The following GPC6 variants were observed in gnomAD, a reference collection of about 807,000 sequenced individuals.
The protein encoded by GPC6 is glypican-6.
In GPC6, 14 loss-of-function variants were observed where a neutral mutation model predicts 55.2. The observed-to-expected ratio is 0.25, with a 90% CI of 0.17 to 0.40. The LOEUF (loss-of-function observed/expected upper bound fraction) is 0.40. GPC6 is among the 10% of genes least tolerant of loss of function. The probability of loss-of-function intolerance (pLI) is 1.00; values close to 1 mark genes in which losing one functional copy is unlikely to be tolerated. For missense variants in GPC6, 641 were observed against 708.5 expected (o/e 0.90, Z 1.08); for synonymous variants, 278 against 259.6 (o/e 1.07, Z -0.68).
At chr13:93,966,252 A>G (rs1880037565) in intron 3 of GPC6, among the ~76,000 whole-genome samples, 2 of 152,224 alleles carry the variant, frequency 1.3e-5, no homozygotes, top group Admixed American at 6.5e-5. Context: ...AGGAATAAGA[A>G]TGTAACCATT....
intron 3 of GPC6, among the ~76,000 whole-genome samples, chr13:93,950,356 T>C (rs944587133): frequency 1.3e-5 from 2 of 152,170 alleles, no homozygotes; most frequent in Non-Finnish European, 2.9e-5. Context: ...GGAGAAAGGG[T>C]ACCTATTACT....
intron 1 of GPC6, among the ~76,000 whole-genome samples, chr13:93,364,758 A>G (rs1036216603): frequency 1.3e-5 from 2 of 151,636 alleles, no homozygotes. Flanking sequence ...ATATATATGT[A>G]TATCTCCAAT....
intron 1 of GPC6, among the ~76,000 whole-genome samples, chr13:93,372,784 T>C (rs1042543621): frequency 9.2e-5 from 14 of 152,188 alleles, no homozygotes; most frequent in Non-Finnish European, 1.5e-4. Flanking sequence ...CATACTGTTG[T>C]TGGTAAAGAA....
intron 4 of GPC6, among the ~76,000 whole-genome samples, chr13:94,136,272 A>G (rs1950439486): frequency 6.7e-6 from 1 of 149,942 alleles, no homozygotes; most frequent in South Asian, 2.1e-4. Context: ...TCTGTGAACT[A>G]CTGATTGGAA....
At chr13:93,713,863 A>G (rs1372197437) in intron 2 of GPC6, among the ~76,000 whole-genome samples, 1 of 151,586 alleles carries the variant, frequency 6.6e-6, no homozygotes, top group African/African-American at 2.4e-5. Flanking sequence ...CTGGGAGAGC[A>G]TTAAAAAGGC....
At chr13:93,730,596 A>G (rs1883788820) in intron 2 of GPC6, among the ~76,000 whole-genome samples, 4 of 152,204 alleles carry the variant, frequency 2.6e-5, no homozygotes, top group Admixed American at 2.6e-4. Context: ...ATCACATTTA[A>G]CAAAACATCT....
intron 3 of GPC6, among the ~76,000 whole-genome samples, chr13:93,838,149 C>G (rs1338078359): frequency 6.6e-6 from 1 of 152,126 alleles, no homozygotes; most frequent in Non-Finnish European, 1.5e-5. Flanking sequence ...AGGCACTTCT[C>G]TATAAGAAAC....
intron 2 of GPC6, among the ~76,000 whole-genome samples, chr13:93,549,619 T>G (rs1239591885): frequency 6.6e-6 from 1 of 152,132 alleles, no homozygotes; most frequent in Non-Finnish European, 1.5e-5. Flanking sequence ...ATCTCTCCAG[T>G]GCTTTCCAGT....
intron 3 of GPC6, among the ~76,000 whole-genome samples, chr13:94,019,940 A>G (rs1882633059): frequency 6.6e-6 from 1 of 151,840 alleles, no homozygotes; most frequent in South Asian, 2.1e-4. Context: ...AAATTGGTCG[A>G]TTTGGTTGAT....
intron 4 of GPC6, among the ~76,000 whole-genome samples, chr13:94,040,622 A>G (rs1174869607): frequency 6.6e-6 from 1 of 151,914 alleles, no homozygotes; most frequent in Non-Finnish European, 1.5e-5. Flanking sequence ...GAAAGCTGCC[A>G]GAACAAAGTG....
At position 94,246,912 on chromosome 13, in the gene GPC6, A is replaced by T. The variant is rs538543984; in HGVS notation, c.878-39437A>T. Among the ~76,000 whole-genome samples the T allele has an allele frequency of 1.4e-4, 21 of 151,980 alleles. No individual in the cohort carries two copies. The South Asian group carries it at 1.5e-3, about 11-fold the overall frequency. On this transcript the variant is annotated intron_variant, in intron 4 of 8. Transcript: ENST00000377047. ...TTTTTCTATTTCTTTGAAGAGTGTC[A>T]TTGGGATTTTGATAGAGATTATATT... is the stretch of plus-strand genomic sequence containing the variant.
At chr13:93,340,572 C>T (rs933496932) in intron 1 of GPC6, among the ~76,000 whole-genome samples, 3 of 152,062 alleles carry the variant, frequency 2.0e-5, no homozygotes. Flanking sequence ...GAGGAGGCAG[C>T]CATGCAAGGT....
intron 1 of GPC6, among the ~76,000 whole-genome samples, chr13:93,418,098 T>C (rs1876771849): frequency 2.0e-5 from 3 of 151,904 alleles, no homozygotes; most frequent in Admixed American, 2.0e-4. Context: ...ACTTCTATTA[T>C]TTTAATTTTT....
At chr13:93,360,789 G>C (rs957364914) in intron 1 of GPC6, among the ~76,000 whole-genome samples, 2 of 152,008 alleles carry the variant, frequency 1.3e-5, no homozygotes, top group Non-Finnish European at 2.9e-5. Context: ...TATTCAATAG[G>C]TTCACAGTTC....
intron 3 of GPC6, among the ~76,000 whole-genome samples, chr13:93,986,186 A>G (rs569037325): frequency 6.6e-6 from 1 of 152,284 alleles, no homozygotes; most frequent in Admixed American, 6.5e-5. Context: ...CTAGAATTTT[A>G]TCAGAATTTA....
chr13:93,585,699 T>C (rs1212487239), intron 2 of GPC6, among the ~76,000 whole-genome samples: 1 of 152,214 alleles, frequency 6.6e-6, no homozygotes, highest in Non-Finnish European at 1.5e-5. Context: ...GGGGCACTTC[T>C]AAATTATTTT....
intron 3 of GPC6, among the ~76,000 whole-genome samples, chr13:93,873,367 T>C (rs975644857): frequency 1.3e-5 from 2 of 152,108 alleles, no homozygotes; most frequent in South Asian, 2.1e-4. Flanking sequence ...TCTGTTATAG[T>C]CAGAGAAACG....
chr13:93,308,093 G>T (rs1878935532), intron 1 of GPC6, among the ~76,000 whole-genome samples: 1 of 152,044 alleles, frequency 6.6e-6, no homozygotes, highest in Non-Finnish European at 1.5e-5. Context: ...GACCATCCTG[G>T]CTAACATGGT....
At chr13:93,357,753 T>G (rs1454889158) in intron 1 of GPC6, among the ~76,000 whole-genome samples, 1 of 152,188 alleles carries the variant, frequency 6.6e-6, no homozygotes, top group Non-Finnish European at 1.5e-5. Context: ...GAGGATCGCT[T>G]GAGTCCAGGA....
Sources: gnomAD v4.1 joint callset for allele counts (sites outside exome capture counted in the v4.1 genomes callset) on GRCh38, gnomAD v4.1.1 for gene constraint, MANE v1.5 for transcripts, NCBI Gene and HGNC (gene_info 2026-07-23, HGNC 2026-07-21) for gene names.